SEC23IP: variants seen among roughly 807,000 people sequenced by gnomAD.
SEC23IP encodes SEC23 interacting protein, also known as SEC23-interacting protein.
In SEC23IP, 70 loss-of-function variants were observed where a neutral mutation model predicts 113.4. The observed-to-expected ratio is 0.62, with a 90% CI of 0.51 to 0.75. The LOEUF (loss-of-function observed/expected upper bound fraction) is 0.75. Among genes scored for constraint, SEC23IP ranks in the 30% least tolerant of loss-of-function variants. The probability of loss-of-function intolerance (pLI) is 0.00; values close to 1 mark genes in which losing one functional copy is unlikely to be tolerated. For missense variants in SEC23IP, 1,160 were observed against 1,204.9 expected (o/e 0.96, Z 0.55); for synonymous variants, 398 against 421.0 (o/e 0.95, Z 0.67).
At chr10:119,906,970 T>G (rs573213733) in intron 4 of SEC23IP, among the ~76,000 whole-genome samples, 4 of 152,170 alleles carry the variant, frequency 2.6e-5, no homozygotes, top group Admixed American at 1.3e-4. Context: ...TTTGAAGTTT[T>G]TTTTTTTTTT....
intron 12 of SEC23IP, among the ~76,000 whole-genome samples, chr10:119,922,179 CAA>C (rs1855270752): frequency 6.6e-6 from 1 of 152,030 alleles, no homozygotes; most frequent in Non-Finnish European, 1.5e-5. Flanking sequence ...CTTGTTGAGA[CAA>C]GCATGGGGTT....
chr10:119,897,224 G>A (rs1197881710), intron 1 of SEC23IP, among the ~76,000 whole-genome samples: 1 of 152,236 alleles, frequency 6.6e-6, no homozygotes, highest in Non-Finnish European at 1.5e-5. Flanking sequence ...GGGAAGATTA[G>A]GAGGAGGAAT....
intron 12 of SEC23IP, among the ~76,000 whole-genome samples, chr10:119,923,729 A>G (rs951429235): frequency 8.6e-5 from 13 of 151,934 alleles, no homozygotes; most frequent in African/African-American, 2.2e-4. Flanking sequence ...TTGTATTTTT[A>G]GTAGAGATGG....
At chr10:119,909,547 C>T (rs563481864) in intron 5 of SEC23IP, among the ~76,000 whole-genome samples, 4 of 152,142 alleles carry the variant, frequency 2.6e-5, no homozygotes, top group South Asian at 2.1e-4. Flanking sequence ...GATTGCTCCC[C>T]GCTGCACTCT....
chr10:119,933,286 T>A, intron 17 of SEC23IP, 119 bp downstream of exon 17: 1 of 853,352 alleles, frequency 1.2e-6, no homozygotes, highest in Non-Finnish European at 1.9e-6. Context: ...TCATTTGAAT[T>A]ACTATATGTT....
At position 119,904,118 on chromosome 10, in the gene SEC23IP, G is replaced by A. The variant is rs764514476; in HGVS notation, c.942G>A (p.Thr314=). ...ATCCGGAGAGCGTGGTTCTTGGCAC[G>A]GATGGAGGGCGCTACGATGTTTACC... ...QPDPESVVLG[T]DGGRYDVYLY... Residue 314 remains threonine, a synonymous_variant, in exon 4 of 19, where the codon ACG becomes ACA. Coordinates refer to ENST00000369075, the MANE Select transcript of SEC23IP (RefSeq NM_007190.4). The A allele has an allele frequency of 7.4e-6, 12 of 1,614,072 alleles. No homozygotes were observed. Among genetic ancestry groups the A allele is most frequent in the East Asian group, 4.5e-5 (2 of 44,902 alleles).
rs1288930933 is a variant in SEC23IP, at chr10:119,919,447, C to A, written c.1876C>A (p.Pro626Thr). The A allele has an allele frequency of 1.9e-6, 3 of 1,586,656 alleles. No homozygotes were observed. The highest frequency in any genetic ancestry group is 2.6e-6 in the Non-Finnish European group (3 of 1,171,084). Residue 626 changes from proline to threonine, a missense_variant, in exon 11 of 19, where the codon CCT becomes ACT. Pro to Thr is a conservative substitution (Grantham distance 38, BLOSUM62 -1). Transcript: ENST00000369075. Reference protein sequence around the residue: ...KQLHFQEKQMPEEPKLTLDES... With the variant: ...KQLHFQEKQMTEEPKLTLDES... The stretch of plus-strand genomic sequence containing the variant: ...TTTCATACTTTTTTTTTTAAAGATG[C>A]CTGAAGAGCCAAAGCTGACTTTGGA...
intron 5 of SEC23IP, 41 bp from the exon 6 acceptor site, chr10:119,912,003 T>C (rs775658980): frequency 3.1e-6 from 5 of 1,610,692 alleles, no homozygotes; most frequent in Non-Finnish European, 3.4e-6. Context: ...TGGAAAAGAA[T>C]TTGTTAATGA....
intron 6 of SEC23IP, among the ~76,000 whole-genome samples, chr10:119,912,726 C>T (rs935940953): frequency 9.9e-5 from 15 of 151,316 alleles, no homozygotes; most frequent in Admixed American, 5.9e-4. Flanking sequence ...TTACAACCTC[C>T]GCCTCCCAGG....
intron 18 of SEC23IP, among the ~76,000 whole-genome samples, chr10:119,938,735 A>G (rs575706494): frequency 1.3e-5 from 2 of 152,308 alleles, no homozygotes; most frequent in East Asian, 3.9e-4. Context: ...CCAAAAGAAT[A>G]GTAATTCTAG....
chr10:119,914,637 T>G (rs1854985597), intron 6 of SEC23IP, 93 bp from the exon 7 acceptor site: 5 of 972,504 alleles, frequency 5.1e-6, no homozygotes, highest in Non-Finnish European at 8.2e-6. Context: ...TTGGCAAGTT[T>G]GTGATGACGA....
At chr10:119,916,082 A>G (rs1410822728) in intron 8 of SEC23IP, among the ~76,000 whole-genome samples, 193 bp downstream of exon 8, 1 of 152,202 alleles carries the variant, frequency 6.6e-6, no homozygotes, top group East Asian at 1.9e-4. Flanking sequence ...TTCCTTTTGT[A>G]AATATTTAAG....
chr10:119,932,920 T>G, intron 16 of SEC23IP, 85 bp from the exon 17 acceptor site: 1 of 1,221,798 alleles, frequency 8.2e-7, no homozygotes, highest in East Asian at 2.5e-5. Context: ...TCAAGCAGTA[T>G]TCTCATTGAG....
chr10:119,928,009 A>G (rs1855478063), intron 13 of SEC23IP, among the ~76,000 whole-genome samples: 1 of 152,210 alleles, frequency 6.6e-6, no homozygotes, highest in Non-Finnish European at 1.5e-5. Flanking sequence ...CTTTAAAAAT[A>G]TGTAGTAGTT....
At chr10:119,914,144 G>T (rs1385120616) in intron 6 of SEC23IP, among the ~76,000 whole-genome samples, 1 of 151,284 alleles carries the variant, frequency 6.6e-6, no homozygotes, top group East Asian at 1.9e-4. Context: ...CGGGCGACAA[G>T]AGTGAAACTC....
rs377577144 is a variant in SEC23IP at position 119,915,896 on chromosome 10, G to A, written c.1544+7G>A. ...ACGCCACAGGTGTGGACAGGTTTGTGGATTTTGATAACTTGTTTTTCAGAT... is the reference window on the plus strand; with the variant it reads ...ACGCCACAGGTGTGGACAGGTTTGTAGATTTTGATAACTTGTTTTTCAGAT... On this transcript the variant is annotated splice_region_variant and intron_variant, in intron 8 of 18. Coordinates refer to ENST00000369075, the MANE Select transcript of SEC23IP (RefSeq NM_007190.4). The A allele has an allele frequency of 2.3e-5, 34 of 1,460,008 alleles. No homozygotes were observed. In the African/African-American group the frequency reaches 3.7e-4, roughly 16 times the overall value. The allele number at this position is 1,460,008 out of a possible 1,614,324, so 90.4% of individuals were successfully genotyped here. A position where few individuals can be genotyped will look rare whatever the true frequency, so the allele number is the denominator to read the frequency against.
At chr10:119,925,397 A>G (rs1251610173) in intron 12 of SEC23IP, among the ~76,000 whole-genome samples, 1 of 152,190 alleles carries the variant, frequency 6.6e-6, no homozygotes, top group African/African-American at 2.4e-5. Context: ...ATGAGAGCCA[A>G]TACTTCTGCT....
intron 2 of SEC23IP, among the ~76,000 whole-genome samples, chr10:119,902,017 A>AG (rs1854512377): frequency 6.6e-6 from 1 of 152,162 alleles, no homozygotes; most frequent in African/African-American, 2.4e-5. Flanking sequence ...TCTTTAGGAT[A>AG]AATTTTTAGA....
intron 5 of SEC23IP, among the ~76,000 whole-genome samples, chr10:119,909,360 C>T (rs1854783566): frequency 6.6e-6 from 1 of 152,098 alleles, no homozygotes; most frequent in African/African-American, 2.4e-5. Context: ...GAGGTGCACA[C>T]CTGTGAGAGG....
Sources: allele counts gnomAD v4.1 joint callset (sites outside exome capture counted in the v4.1 genomes callset), GRCh38; gene constraint gnomAD v4.1.1; transcripts MANE v1.5; gene names NCBI Gene and HGNC (gene_info 2026-07-23, HGNC 2026-07-21).